KIF14: variants seen among roughly 807,000 people sequenced by gnomAD.
The protein encoded by KIF14 is kinesin-like protein KIF14.
KIF14 carries 98 observed loss-of-function variants against 176.2 expected under a neutral mutation model. The observed-to-expected ratio is 0.56, with a 90% CI of 0.47 to 0.66. The LOEUF (loss-of-function observed/expected upper bound fraction) is 0.66. Ranked by LOEUF, KIF14 falls within the 30% of genes least tolerant of loss-of-function variation. The probability of loss-of-function intolerance (pLI) is 0.00; values close to 1 mark genes in which losing one functional copy is unlikely to be tolerated. For missense variants in KIF14, 1,751 were observed against 1,920.4 expected, an observed-to-expected ratio of 0.91 and a Z score of 1.65; for synonymous variants, 566 against 632.2, an observed-to-expected ratio of 0.90 and a Z score of 1.57.
chr1:200,616,406 G>A (rs1287490500), intron 2 of KIF14, among the ~76,000 whole-genome samples: 1 of 152,124 alleles, frequency 6.6e-6, no homozygotes, highest in East Asian at 1.9e-4. Flanking sequence ...CTTGCATTTT[G>A]TCCCTACCAG....
chr1:200,612,059 G>A (rs925697171), intron 4 of KIF14, among the ~76,000 whole-genome samples: 5 of 151,084 alleles, frequency 3.3e-5, no homozygotes, highest in Non-Finnish European at 5.9e-5. Context: ...CTGGAGTACA[G>A]TGGCATGATC....
intron 27 of KIF14, among the ~76,000 whole-genome samples, chr1:200,558,898 T>A (rs1173642717): frequency 6.6e-6 from 1 of 152,248 alleles, no homozygotes; most frequent in Non-Finnish European, 1.5e-5. Flanking sequence ...TGGTTCTGTA[T>A]CTTGATATGA....
chr1:200,565,774 T>C (rs1657415513), intron 23 of KIF14, 105 bp from the exon 24 acceptor site: 1 of 721,090 alleles, frequency 1.4e-6, no homozygotes, highest in Non-Finnish European at 2.3e-6. Context: ...TACTGAAATG[T>C]ATTACAACAA....
At chr1:200,557,856 G>C (rs772029283) in intron 27 of KIF14, among the ~76,000 whole-genome samples, 7 of 152,090 alleles carry the variant, frequency 4.6e-5, no homozygotes, top group Non-Finnish European at 1.0e-4. Context: ...CATAAATGAG[G>C]AGACATCCTA....
In KIF14 at chr1:200,556,795, G is replaced by C. The variant is rs1180606000; in HGVS notation, c.4354-1341C>G. 2.0e-5 allele frequency among the ~76,000 whole-genome samples: 3 copies of C among 152,312 alleles called. No individual in the cohort carries two copies. The South Asian group carries it at 6.2e-4, about 32-fold the overall frequency. On this transcript the variant is annotated intron_variant, in intron 27 of 29. Transcript: ENST00000367350. Reference sequence around the variant, plus strand: ...TTTGCAAATATGGTGAAGTGTTTTAGTGATAAATGGTGCTGCTGCTGAGCA... The same window carrying C: ...TTTGCAAATATGGTGAAGTGTTTTACTGATAAATGGTGCTGCTGCTGAGCA...
At chr1:200,576,477 CAA>C (rs34294441) in intron 21 of KIF14, among the ~76,000 whole-genome samples, 22 of 87,462 alleles carry the variant, frequency 2.5e-4, no homozygotes, top group Admixed American at 2.6e-4. Flanking sequence ...GACTCCGTCT[CAA>C]AAAAAAAAAA....
chr1:200,616,228 C>G (rs1660401119), intron 2 of KIF14, among the ~76,000 whole-genome samples: 1 of 151,758 alleles, frequency 6.6e-6, no homozygotes, highest in African/African-American at 2.4e-5. Context: ...CACTCCCTCC[C>G]CGCTCCATCC....
chr1:200,597,188 T>TAA (rs958409792), intron 14 of KIF14, among the ~76,000 whole-genome samples: 2 of 152,110 alleles, frequency 1.3e-5, no homozygotes, highest in Non-Finnish European at 2.9e-5. Context: ...CAGAACATTC[T>TAA]TTCTTTAAGA....
chr1:200,567,532 TAA>T (rs35456574), intron 23 of KIF14, among the ~76,000 whole-genome samples: 12 of 127,732 alleles, frequency 9.4e-5, no homozygotes, highest in Admixed American at 2.5e-4. Flanking sequence ...AGACTCCGTC[TAA>T]AAAAAAAAAA....
chr1:200,587,882 C>T (rs897528077), intron 18 of KIF14, among the ~76,000 whole-genome samples: 6 of 152,236 alleles, frequency 3.9e-5, no homozygotes, highest in African/African-American at 1.4e-4. Flanking sequence ...ATGTTTTTCT[C>T]CTAAAACTCT....
intron 16 of KIF14, among the ~76,000 whole-genome samples, 186 bp downstream of exon 16, chr1:200,591,894 A>T (rs1029042747): frequency 1.3e-5 from 2 of 152,226 alleles, no homozygotes; most frequent in African/African-American, 4.8e-5. Flanking sequence ...AGCATTTGGT[A>T]CAGTGACAGA....
chr1:200,603,202 C>G (rs371977434), intron 10 of KIF14, 24 bp downstream of exon 10: 2 of 1,354,456 alleles, frequency 1.5e-6, no homozygotes, highest in Non-Finnish European at 2.1e-6. Context: ...TTATACAATT[C>G]TTTATACTTC....
chr1:200,565,469 G>T lies in KIF14; in HGVS notation c.3862C>A (p.Gln1288Lys), dbSNP rs773386824. The stretch of plus-strand genomic sequence containing the variant: ...CAGTTATCTTGACTTTCTTCATCTT[G>T]TTCTTCATGAGCCTTGGAAATGGCA... ...LFAISKAHEE[Q>K]DEESQDNLFS... The change falls in exon 24 of 30, where the codon CAA becomes AAA. Residue 1288 changes from glutamine (Q) to lysine (K), a missense_variant. By Grantham distance (53) the Gln-to-Lys change is moderately conservative. Coordinates refer to ENST00000367350, the MANE Select transcript of KIF14 (RefSeq NM_014875.3). 2.4e-5 allele frequency: 38 copies of T among 1,595,854 alleles called. No homozygotes were observed. In the Admixed American group the frequency reaches 5.3e-4, roughly 22 times the overall value.
chr1:200,593,336 T>A (rs899790144), intron 15 of KIF14, among the ~76,000 whole-genome samples: 1 of 152,216 alleles, frequency 6.6e-6, no homozygotes, highest in Non-Finnish European at 1.5e-5. Context: ...TGGGTGACAT[T>A]GTTTAATCAT....
At chr1:200,566,190 A>G (rs1381320394) in intron 23 of KIF14, among the ~76,000 whole-genome samples, 1 of 152,172 alleles carries the variant, frequency 6.6e-6, no homozygotes, top group Non-Finnish European at 1.5e-5. Context: ...TGACTATACT[A>G]TGAGACAATA....
At position 200,603,929 on chromosome 1, in the gene KIF14, G is replaced by C; in HGVS notation, c.1773C>G (p.His591Gln). 3.1e-6 allele frequency: 5 copies of C among 1,612,588 alleles called. No individual in the cohort carries two copies. The South Asian group carries it at 5.5e-5, about 18-fold the overall frequency. The change falls in exon 9 of 30, where the codon CAC (histidine) becomes CAG (glutamine). Residue 591 changes from histidine (H) to glutamine (Q), a missense_variant. His to Gln is a conservative substitution (Grantham distance 24, BLOSUM62 0). Coordinates refer to ENST00000367350, the MANE Select transcript of KIF14 (RefSeq NM_014875.3). The stretch of plus-strand genomic sequence containing the variant: ...TAATTCGACTTGTTATTCTGTGATC[G>C]TGTTCTTCCCCTTCCACAAATTCTG... ...TKTEFVEGEE[H>Q]DHRITSRINL... is the part of the protein sequence containing the mutation.
In KIF14 at chr1:200,600,346, T is replaced by C. The variant is rs1257087870; in HGVS notation, c.2300+10A>G. On this transcript the variant is annotated intron_variant, in intron 12 of 29. Coordinates refer to ENST00000367350, the MANE Select transcript of KIF14 (RefSeq NM_014875.3). ...CACACTTAACATTTAGAGTACTGAC[T>C]GTACTCTACCTTTGCATTTCTGCCA... 4.4e-6 allele frequency: 7 copies of C among 1,607,116 alleles called. No individual in the cohort carries two copies. Among genetic ancestry groups the C allele is most frequent in the Non-Finnish European group, 5.1e-6 (6 of 1,173,690 alleles).
intron 5 of KIF14, among the ~76,000 whole-genome samples, chr1:200,608,612 C>A (rs746167007): frequency 1.3e-5 from 2 of 152,174 alleles, no homozygotes; most frequent in African/African-American, 2.4e-5. Context: ...GTCTGCCCCC[C>A]TCAGCCTCCC....
intron 21 of KIF14, among the ~76,000 whole-genome samples, chr1:200,575,900 TA>T (rs1473400430): frequency 3.9e-5 from 6 of 152,108 alleles, no homozygotes; most frequent in Non-Finnish European, 7.4e-5. Context: ...CTACTTTTAA[TA>T]AAAACAATAG....
Sources: allele counts gnomAD v4.1 joint callset (sites outside exome capture counted in the v4.1 genomes callset), GRCh38; gene constraint gnomAD v4.1.1; transcripts MANE v1.5; gene names NCBI Gene and HGNC (gene_info 2026-07-23, HGNC 2026-07-21).